ABLIM1: variants seen among roughly 807,000 people sequenced by gnomAD.
ABLIM1 encodes the protein actin binding LIM protein 1.
In ABLIM1, 40 loss-of-function variants were observed where a neutral mutation model predicts 107.0. That is an observed-to-expected ratio of 0.37 (90% CI 0.29 to 0.49). The LOEUF is 0.49. ABLIM1 is among the 20% of genes least tolerant of loss of function. The pLI is 0.97. For synonymous variants in ABLIM1, 357 were observed against 357.3 expected, an observed-to-expected ratio of 1.00 and a Z score of 0.01; for missense variants, 857 against 1,008.5, an observed-to-expected ratio of 0.85 and a Z score of 2.04.
chr10:114,449,712 C>T (rs1270118084), intron 14 of ABLIM1, among the ~76,000 whole-genome samples: 1 of 152,166 alleles, frequency 6.6e-6, no homozygotes, highest in Non-Finnish European at 1.5e-5. Context: ...AACATGTTAG[C>T]ATATAAGAAG....
At chr10:114,751,646 A>T (rs1251469038) in intron 1 of ABLIM1, among the ~76,000 whole-genome samples, 1 of 151,556 alleles carries the variant, frequency 6.6e-6, no homozygotes, top group Non-Finnish European at 1.5e-5. Flanking sequence ...GCTACTCGGG[A>T]GGCTGAGGCA....
chr10:114,729,909 A>C (rs1304051998), intron 1 of ABLIM1, among the ~76,000 whole-genome samples: 1 of 152,180 alleles, frequency 6.6e-6, no homozygotes, highest in Non-Finnish European at 1.5e-5. Context: ...TTATTATGTC[A>C]GTTAACTTTC....
chr10:114,677,067 T>C (rs958279304), intron 1 of ABLIM1, among the ~76,000 whole-genome samples: 11 of 152,104 alleles, frequency 7.2e-5, no homozygotes, highest in African/African-American at 2.4e-4. Context: ...AAATCCCTCT[T>C]ACTTCTGAAA....
intron 1 of ABLIM1, among the ~76,000 whole-genome samples, chr10:114,618,321 C>T (rs11196807): frequency 0.39 from 59,397 of 152,076 alleles, 12,819 homozygotes; most frequent in Non-Finnish European, 0.5. Context: ...ACTTGCCTAG[C>T]TCCTGATGAA....
At chr10:114,771,821 C>A (rs808345), upstream of ABLIM1, among the ~76,000 whole-genome samples, 8,586 of 152,224 alleles carry the variant, frequency 0.056, 313 homozygotes, top group Non-Finnish European at 0.083. Context: ...AGGGATGAAA[C>A]ACATTCCAGT....
chr10:114,612,399 A>G (rs2076867325), intron 1 of ABLIM1, among the ~76,000 whole-genome samples: 1 of 152,218 alleles, frequency 6.6e-6, no homozygotes, highest in African/African-American at 2.4e-5. Flanking sequence ...TCCCAGCCTC[A>G]GGAACCATAA....
chr10:114,459,755 A>G (rs1252858890), intron 12 of ABLIM1, among the ~76,000 whole-genome samples: 1 of 152,232 alleles, frequency 6.6e-6, no homozygotes, highest in East Asian at 1.9e-4. Context: ...GCACACGTCT[A>G]GTAAAAAGAA....
chr10:114,624,848 G>A (rs375805454), intron 1 of ABLIM1, among the ~76,000 whole-genome samples: 166 of 151,628 alleles, frequency 1.1e-3, no homozygotes, highest in Admixed American at 1.2e-3. Context: ...TACTTCTGGA[G>A]TGAAGCAGAG....
intron 6 of ABLIM1, among the ~76,000 whole-genome samples, chr10:114,539,358 A>AAAC (rs56218475): frequency 0.22 from 33,607 of 151,878 alleles, 4,308 homozygotes; most frequent in East Asian, 0.33. Flanking sequence ...ACTCTGTCTC[A>AAAC]AACAACAACA....
chr10:114,531,041 A>G (rs2065396964), intron 6 of ABLIM1, among the ~76,000 whole-genome samples: 1 of 152,250 alleles, frequency 6.6e-6, no homozygotes, highest in Non-Finnish European at 1.5e-5. Context: ...ATTTATGGGC[A>G]TAAATGTGTG....
chr10:114,539,008 C>G (rs1040116374), intron 6 of ABLIM1, among the ~76,000 whole-genome samples: 1 of 152,250 alleles, frequency 6.6e-6, no homozygotes. Flanking sequence ...TTCAGTTTGA[C>G]TTTTGCTTTT....
Position 114,582,074 on chromosome 10 carries a change from C to T in ABLIM1, c.380-6475G>A, listed in dbSNP as rs146052263. On this transcript the variant is annotated intron_variant, in intron 2 of 22. Coordinates refer to ENST00000533213, the MANE Select transcript of ABLIM1 (RefSeq NM_002313.7). ...CCAAATAGGAAAAAAAGTCGTCAAA[C>T]GGTCTCTCTTTGCCGATGATATGAT... 2.5e-3 allele frequency among the ~76,000 whole-genome samples: 386 copies of T among 152,222 alleles called. 1 individual carries two copies. Among genetic ancestry groups the T allele is most frequent in the Non-Finnish European group, 4.0e-3 (269 of 67,994 alleles).
In ABLIM1 at chr10:114,586,448, C is replaced by G. The variant is rs192822317; in HGVS notation, c.380-10849G>C. Among the ~76,000 whole-genome samples, 10 of 152,244 alleles carry G rather than the reference C, an allele frequency of 6.6e-5. No homozygotes were observed. In the East Asian group the frequency reaches 1.9e-3, roughly 29 times the overall value. On this transcript the variant is annotated intron_variant, in intron 2 of 22. Coordinates refer to ENST00000533213, the MANE Select transcript of ABLIM1 (RefSeq NM_002313.7). Reference sequence around the variant, plus strand: ...GAATAATTAAAGGGTTGGGAAGGAGCACTTTAAAAAAGTAGATAGGATTAG... The same window carrying G: ...GAATAATTAAAGGGTTGGGAAGGAGGACTTTAAAAAAGTAGATAGGATTAG...
chr10:114,535,744 G>A (rs1332718521), intron 6 of ABLIM1, among the ~76,000 whole-genome samples: 1 of 152,186 alleles, frequency 6.6e-6, no homozygotes, highest in East Asian at 1.9e-4. Flanking sequence ...CCCTTTTAAA[G>A]TATATAATTC....
At chr10:114,769,005 C>T (rs1015941586), upstream of ABLIM1, among the ~76,000 whole-genome samples, 2 of 151,714 alleles carry the variant, frequency 1.3e-5, no homozygotes, top group Non-Finnish European at 2.9e-5. Flanking sequence ...TCCACTCTCA[C>T]GCCCTGTCCT....
chr10:114,733,852 T>A (rs1453861199), intron 1 of ABLIM1, among the ~76,000 whole-genome samples: 3 of 152,132 alleles, frequency 2.0e-5, no homozygotes, highest in Non-Finnish European at 4.4e-5. Context: ...AACTTTATTT[T>A]TTTTTAATTA....
At chr10:114,492,153 G>A (rs1229062416) in intron 6 of ABLIM1, among the ~76,000 whole-genome samples, 1 of 151,766 alleles carries the variant, frequency 6.6e-6, no homozygotes, top group Non-Finnish European at 1.5e-5. Context: ...GACCTGGATG[G>A]CTGCCACTAA....
intron 14 of ABLIM1, among the ~76,000 whole-genome samples, chr10:114,450,816 A>T (rs1056986023): frequency 6.6e-6 from 1 of 152,166 alleles, no homozygotes; most frequent in African/African-American, 2.4e-5. Flanking sequence ...TTCCAGGCAC[A>T]ATCTGTGTAG....
chr10:114,540,348 T>C (rs915861125), intron 6 of ABLIM1, among the ~76,000 whole-genome samples: 2 of 152,160 alleles, frequency 1.3e-5, no homozygotes, highest in Admixed American at 1.3e-4. Flanking sequence ...AAAAGAAAAC[T>C]GAGGCTCAAA....
Sources: allele counts gnomAD v4.1 joint callset (sites outside exome capture counted in the v4.1 genomes callset), GRCh38; gene constraint gnomAD v4.1.1; transcripts MANE v1.5; gene names NCBI Gene and HGNC (gene_info 2026-07-23, HGNC 2026-07-21).